The following FRMPD4 variants were observed in gnomAD, a reference collection of about 807,000 sequenced individuals.
FRMPD4 encodes the protein FERM and PDZ domain containing 4, also known as FERM and PDZ domain-containing protein 4.
Under a neutral mutation model 94.1 loss-of-function variants are expected in FRMPD4, and 22 were observed. The observed-to-expected ratio is 0.23, with a 90% confidence interval of 0.17 to 0.33. The LOEUF is 0.33. Among genes scored for constraint, FRMPD4 ranks in the 10% least tolerant of loss-of-function variants. FRMPD4 has a pLI of 1.00. For synonymous variants in FRMPD4, 631 were observed against 548.6 expected, an observed-to-expected ratio of 1.15 and a Z score of -2.10; for missense variants, 1,111 against 1,339.9, an observed-to-expected ratio of 0.83 and a Z score of 2.67.
chrX:12,665,723 G>T (rs1258571139), intron 4 of FRMPD4, among the ~76,000 whole-genome samples: 1 of 111,922 alleles, frequency 8.9e-6, no homozygotes, highest in African/African-American at 3.3e-5. Context: ...AAAAGCAAAT[G>T]CTGAGAGATT....
At chrX:12,456,999 G>A (rs766331718) in intron 1 of FRMPD4, among the ~76,000 whole-genome samples, 5 of 111,975 alleles carry the variant, frequency 4.5e-5, no homozygotes, top group East Asian at 5.6e-4. Flanking sequence ...CAGCTTCACC[G>A]AAGTAATACC....
At chrX:12,109,682 C>T (rs957302353) in intron 3 of FRMPD4, among the ~76,000 whole-genome samples, 7 of 110,753 alleles carry the variant, frequency 6.3e-5, no homozygotes, top group African/African-American at 2.3e-4. Flanking sequence ...GCTAGCAAGA[C>T]TAATAAGAAA....
chrX:12,574,905 G>A (rs11798408), intron 2 of FRMPD4, among the ~76,000 whole-genome samples: 49,557 of 110,736 alleles, frequency 0.45, 8,362 homozygotes, highest in Non-Finnish European at 0.53. Flanking sequence ...TGAAAATTAG[G>A]CTTTTCCTCT....
At chrX:12,064,171 T>A (rs1331201846) in intron 3 of FRMPD4, among the ~76,000 whole-genome samples, 2 of 112,778 alleles carry the variant, frequency 1.8e-5, no homozygotes, top group Non-Finnish European at 3.7e-5. Context: ...CACGGAATTG[T>A]TTGTGGCAAA....
At chrX:12,365,292 T>C (rs1280515101) in intron 1 of FRMPD4, among the ~76,000 whole-genome samples, 1 of 111,796 alleles carries the variant, frequency 8.9e-6, no homozygotes, top group African/African-American at 3.3e-5. Context: ...CTCCCTTCTG[T>C]GGGACCTTGG....
intron 2 of FRMPD4, among the ~76,000 whole-genome samples, chrX:12,592,300 G>A (rs1366478386): frequency 9.0e-6 from 1 of 111,688 alleles, no homozygotes; most frequent in Non-Finnish European, 1.9e-5. Flanking sequence ...GGGTCTTTGG[G>A]TCTTCATTAA....
Position 12,540,960 on chromosome X carries a change from G to A in FRMPD4, c.158+42164G>A, listed in dbSNP as rs187474649. Among the ~76,000 whole-genome samples, 558 of 111,974 alleles carry A rather than the reference G, an allele frequency of 5.0e-3. 2 individuals are homozygous for A. The highest frequency in any genetic ancestry group is 8.4e-3 in the Non-Finnish European group (446 of 53,214). ...TCACTCAAAACCGCCCAACTACATG[G>A]AAACTGAACAACCTGCTCCTGAATG... On this transcript the variant is annotated intron_variant, in intron 2 of 16. Coordinates refer to ENST00000675598, the MANE Select transcript of FRMPD4 (RefSeq NM_001368397.1).
chrX:12,659,939 A>G (rs1017268909), intron 4 of FRMPD4, among the ~76,000 whole-genome samples: 8 of 112,333 alleles, frequency 7.1e-5, no homozygotes, highest in African/African-American at 2.6e-4. Flanking sequence ...TTCCAAATTC[A>G]AAGTGCCAAA....
At position 12,718,387 on chromosome X, in the gene FRMPD4, G is replaced by A; in HGVS notation, c.3561G>A (p.Val1187=). The change falls in exon 16 of 17, where the codon GTG becomes GTA. Residue 1187 remains valine (V), a synonymous_variant. Transcript: ENST00000675598. ...PSKLPEADES[V]ARLCDYHLAK... ...AGCTTCCTGAGGCTGATGAGAGTGT[G>A]GCCCGCCTTTGTGACTACCACTTGG... 1 of 1,211,883 alleles carries A rather than the reference G, an allele frequency of 8.3e-7. No individual in the cohort carries two copies. Among genetic ancestry groups the A allele is most frequent in the Non-Finnish European group, 1.1e-6 (1 of 895,451 alleles).
At chrX:12,231,249 G>A (rs2057004736) in intron 1 of FRMPD4, among the ~76,000 whole-genome samples, 1 of 101,036 alleles carries the variant, frequency 9.9e-6, no homozygotes, top group African/African-American at 3.6e-5. Context: ...AGAGTATAGT[G>A]GGTAAATTCC....
intron 4 of FRMPD4, among the ~76,000 whole-genome samples, chrX:12,667,855 G>A (rs1372887560): frequency 8.9e-6 from 1 of 112,127 alleles, no homozygotes; most frequent in Non-Finnish European, 1.9e-5. Context: ...GTGGTTTAGG[G>A]TAGGATAGAC....
chrX:12,295,958 C>A (rs929878070), intron 1 of FRMPD4, among the ~76,000 whole-genome samples: 1 of 110,774 alleles, frequency 9.0e-6, no homozygotes, highest in African/African-American at 3.3e-5. Flanking sequence ...AGTTAAAAAC[C>A]CTTTCCTTTA....
intron 2 of FRMPD4, among the ~76,000 whole-genome samples, chrX:12,572,870 T>C (rs1569343691): frequency 8.9e-6 from 1 of 111,888 alleles, no homozygotes; most frequent in Non-Finnish European, 1.9e-5. Flanking sequence ...CATCAAGTCA[T>C]GGGCAGGTGA....
chrX:12,019,540 AG>A (rs1274737551), intron 3 of FRMPD4, among the ~76,000 whole-genome samples: 1 of 111,096 alleles, frequency 9.0e-6, no homozygotes, highest in African/African-American at 3.3e-5. Context: ...TTTGGCGTAA[AG>A]AAATGCCAAA....
intron 1 of FRMPD4, among the ~76,000 whole-genome samples, chrX:11,844,458 G>A (rs960446847): frequency 1.3e-4 from 14 of 110,583 alleles, no homozygotes; most frequent in African/African-American, 4.6e-4. Flanking sequence ...AATTTTATGT[G>A]ACACCTTGAC....
At chrX:12,424,970 C>T (rs112046890) in intron 1 of FRMPD4, among the ~76,000 whole-genome samples, 1 of 108,600 alleles carries the variant, frequency 9.2e-6, no homozygotes, top group Non-Finnish European at 1.9e-5. Context: ...AGTTTTTTTT[C>T]CCCCAAGGGA....
At chrX:12,096,418 CTTATTGAAATAT>C (rs1044209211) in intron 3 of FRMPD4, among the ~76,000 whole-genome samples, 5 of 111,679 alleles carry the variant, frequency 4.5e-5, no homozygotes, top group African/African-American at 1.6e-4. Context: ...TTAGTTTCAG[CTTATTGAAATAT>C]TTTTTAGTTT....
At chrX:12,205,820 A>G (rs1375662668) in intron 1 of FRMPD4, among the ~76,000 whole-genome samples, 1 of 112,238 alleles carries the variant, frequency 8.9e-6, no homozygotes, top group Non-Finnish European at 1.9e-5. Flanking sequence ...TATTCAGCAA[A>G]TAAGGATTGA....
chrX:11,954,665 C>T (rs1392391716), intron 3 of FRMPD4, among the ~76,000 whole-genome samples: 1 of 111,503 alleles, frequency 9.0e-6, no homozygotes, highest in Non-Finnish European at 1.9e-5. Context: ...CCTACAGCCT[C>T]TATAAAATAA....
Sources: allele counts gnomAD v4.1 joint callset (sites outside exome capture counted in the v4.1 genomes callset), GRCh38; gene constraint gnomAD v4.1.1; transcripts MANE v1.5; gene names NCBI Gene and HGNC (gene_info 2026-07-23, HGNC 2026-07-21).